TNFRSF19: variants seen among roughly 807,000 people sequenced by gnomAD.
The protein encoded by TNFRSF19 is TNF receptor superfamily member 19.
TNFRSF19 carries 27 observed loss-of-function variants against 46.4 expected under a neutral mutation model. The observed-to-expected ratio is 0.58, with a 90% CI of 0.43 to 0.80. The LOEUF is 0.80. TNFRSF19 is among the 30% of genes least tolerant of loss of function. TNFRSF19 has a pLI of 0.00. For synonymous variants in TNFRSF19, 204 were observed against 205.0 expected (o/e 1.00, Z 0.04); for missense variants, 511 against 530.8 (o/e 0.96, Z 0.37).
At chr13:23,592,645 G>A (rs1403290336) in intron 2 of TNFRSF19, among the ~76,000 whole-genome samples, 2 of 152,200 alleles carry the variant, frequency 1.3e-5, no homozygotes, top group African/African-American at 4.8e-5. Flanking sequence ...ACTTTGAAGA[G>A]TTCCGAGAGT....
intron 3 of TNFRSF19, among the ~76,000 whole-genome samples, chr13:23,598,908 C>T (rs951901670): frequency 1.3e-5 from 2 of 152,170 alleles, no homozygotes; most frequent in African/African-American, 4.8e-5. Context: ...AAGAGAAGTC[C>T]TTTTCCCCTA....
At chr13:23,575,224 G>A (rs551986128) in intron 1 of TNFRSF19, among the ~76,000 whole-genome samples, 1 of 152,338 alleles carries the variant, frequency 6.6e-6, no homozygotes, top group Non-Finnish European at 1.5e-5. Context: ...AAAGGGTCTA[G>A]CCAATGAGGT....
At chr13:23,651,641 A>G (rs1389967569) in intron 5 of TNFRSF19, among the ~76,000 whole-genome samples, 2 of 152,166 alleles carry the variant, frequency 1.3e-5, no homozygotes, top group East Asian at 3.8e-4. Flanking sequence ...CATAAAATGA[A>G]GTTTATAAGC....
At chr13:23,601,177 A>C (rs886487472) in intron 3 of TNFRSF19, among the ~76,000 whole-genome samples, 5 of 152,338 alleles carry the variant, frequency 3.3e-5, no homozygotes, top group African/African-American at 4.8e-5. Context: ...ATAAATGCCC[A>C]AAAATGACAC....
intron 5 of TNFRSF19, among the ~76,000 whole-genome samples, chr13:23,641,580 C>T (rs1468880603): frequency 1.3e-5 from 2 of 152,192 alleles, no homozygotes; most frequent in Non-Finnish European, 2.9e-5. Context: ...ATCCACCTGC[C>T]TCAGCCTCCC....
chr13:23,589,990 T>C (rs7317392), intron 1 of TNFRSF19, among the ~76,000 whole-genome samples, 160 bp from the exon 2 acceptor site: 39,249 of 152,092 alleles, frequency 0.26, 5,595 homozygotes, highest in African/African-American at 0.38. Flanking sequence ...AAAATAATTA[T>C]ATATTATTTG....
rs147369656 is a variant in TNFRSF19, at chr13:23,615,920, C to T, written c.234C>T (p.His78=). 6.2e-7 allele frequency: 1 copy of T among 1,613,852 alleles called. No individual in the cohort carries two copies. Among genetic ancestry groups the T allele is most frequent in the East Asian group, 2.2e-5 (1 of 44,870 alleles). ...EDAQCVTCRL[H]RFKEDWGFQK... is the part of the protein sequence containing the mutation. ...CACAGTGTGTGACGTGCCGGCTGCA[C>T]AGGTTCAAGGAGGACTGGGGCTTCC... Residue 78 remains histidine, a synonymous_variant, in exon 4 of 10, where the codon CAC becomes CAT. Coordinates refer to ENST00000248484, the MANE Select transcript of TNFRSF19 (RefSeq NM_148957.4).
At chr13:23,624,330 T>G (rs77131780) in intron 4 of TNFRSF19, among the ~76,000 whole-genome samples, 2 of 147,106 alleles carry the variant, frequency 1.4e-5, no homozygotes, top group Non-Finnish European at 1.5e-5. Context: ...TCGAACTTTG[T>G]TTTTTTTTTT....
intron 5 of TNFRSF19, among the ~76,000 whole-genome samples, chr13:23,633,898 T>C (rs181209124): frequency 4.5e-4 from 68 of 152,186 alleles, no homozygotes; most frequent in African/African-American, 1.4e-3. Flanking sequence ...CAAGAAACAA[T>C]AGCTGAGCAG....
chr13:23,604,025 A>G (rs1880348211), intron 3 of TNFRSF19, among the ~76,000 whole-genome samples: 1 of 152,048 alleles, frequency 6.6e-6, no homozygotes, highest in Non-Finnish European at 1.5e-5. Context: ...AAAAAAAAGA[A>G]ATAAAAGGTA....
Position 23,590,228 on chromosome 13 carries a change from T to C in TNFRSF19, c.45T>C (p.Thr15=), listed in dbSNP as rs753179711. Residue 15 remains threonine, a synonymous_variant, in exon 2 of 10, where the codon ACT becomes ACC. Coordinates refer to ENST00000248484, the MANE Select transcript of TNFRSF19 (RefSeq NM_148957.4). ...TAGAACAAGAGAAAACGTTTTTCAC[T>C]CTTTTAGTATTACTAGGCTATTTGG... is the stretch of plus-strand genomic sequence containing the variant. ...VLLEQEKTFF[T]LLVLLGYLSC... is the part of the protein sequence containing the mutation. 2 of 1,591,450 alleles carry C rather than the reference T, an allele frequency of 1.3e-6. No individual in the cohort carries two copies. Among genetic ancestry groups the C allele is most frequent in the Non-Finnish European group, 1.7e-6 (2 of 1,169,092 alleles).
chr13:23,645,450 C>T (rs1883277085), intron 5 of TNFRSF19, among the ~76,000 whole-genome samples: 1 of 152,214 alleles, frequency 6.6e-6, no homozygotes, highest in Admixed American at 6.5e-5. Context: ...GATCTTACCG[C>T]CTTGGCCTCC....
chr13:23,630,180 T>C (rs1208181938), intron 5 of TNFRSF19, among the ~76,000 whole-genome samples: 1 of 151,538 alleles, frequency 6.6e-6, no homozygotes, highest in East Asian at 1.9e-4. Context: ...GTGTGTGCCT[T>C]TGATTCTAGC....
intron 3 of TNFRSF19, chr13:23,594,081 G>C (rs977913322): frequency 3.1e-6 from 1 of 319,410 alleles, no homozygotes; most frequent in Non-Finnish European, 6.2e-6. Context: ...CGGATACTAC[G>C]CTTTTCCCAT....
intron 3 of TNFRSF19, among the ~76,000 whole-genome samples, chr13:23,595,803 A>G (rs569770453): frequency 6.6e-6 from 1 of 152,282 alleles, no homozygotes; most frequent in African/African-American, 2.4e-5. Flanking sequence ...CAAGACACAT[A>G]ATCTTCAGAT....
intron 3 of TNFRSF19, among the ~76,000 whole-genome samples, chr13:23,597,679 C>A (rs1443011371): frequency 6.6e-6 from 1 of 152,178 alleles, no homozygotes; most frequent in African/African-American, 2.4e-5. Context: ...CAAAGAGGAG[C>A]TGGTACCATT....
intron 1 of TNFRSF19, among the ~76,000 whole-genome samples, chr13:23,580,417 C>A (rs535910546): frequency 4.6e-4 from 70 of 152,318 alleles, no homozygotes; most frequent in African/African-American, 1.4e-3. Flanking sequence ...CAAACAATTT[C>A]TTTATGTAAA....
At chr13:23,648,154 T>A (rs1883436223) in intron 5 of TNFRSF19, among the ~76,000 whole-genome samples, 1 of 152,208 alleles carries the variant, frequency 6.6e-6, no homozygotes, top group Non-Finnish European at 1.5e-5. Context: ...AGGAATTGCA[T>A]TGAATCTGCA....
At chr13:23,628,733 G>T (rs1882163724) in intron 5 of TNFRSF19, among the ~76,000 whole-genome samples, 2 of 152,062 alleles carry the variant, frequency 1.3e-5, no homozygotes, top group Non-Finnish European at 2.9e-5. Flanking sequence ...AGTGTTGGGT[G>T]AAGTCCTTAG....
Sources: gnomAD v4.1 joint callset for allele counts (sites outside exome capture counted in the v4.1 genomes callset) on GRCh38, gnomAD v4.1.1 for gene constraint, MANE v1.5 for transcripts, NCBI Gene and HGNC (gene_info 2026-07-23, HGNC 2026-07-21) for gene names.